Variants in FGF10 observed in about 807,000 individuals in gnomAD.
The protein encoded by FGF10 is FGF-10.
In FGF10, 2 loss-of-function variants were observed where a neutral mutation model predicts 19.8. That is an observed-to-expected ratio of 0.10 (90% CI 0.04 to 0.32). The LOEUF is 0.32. FGF10 is among the 10% of genes least tolerant of loss of function. The probability of loss-of-function intolerance (pLI) is 1.00; values close to 1 mark genes in which losing one functional copy is unlikely to be tolerated. For missense variants in FGF10, 191 were observed against 246.3 expected (o/e 0.78, Z 1.50); for synonymous variants, 112 against 94.0 (o/e 1.19, Z -1.10).
At chr5:44,325,483 C>T (rs1288498173) in intron 1 of FGF10, among the ~76,000 whole-genome samples, 7 of 152,008 alleles carry the variant, frequency 4.6e-5, no homozygotes, top group Admixed American at 1.3e-4. Context: ...TTGGAACCAA[C>T]GCAAATGTCC....
chr5:44,375,880 T>C (rs956615967), intron 1 of FGF10, among the ~76,000 whole-genome samples: 1 of 152,126 alleles, frequency 6.6e-6, no homozygotes, highest in Non-Finnish European at 1.5e-5. Context: ...TCTGGCACAA[T>C]AACTTTTAGG....
At chr5:44,347,641 T>C (rs751436303) in intron 1 of FGF10, among the ~76,000 whole-genome samples, 5 of 151,702 alleles carry the variant, frequency 3.3e-5, no homozygotes, top group Non-Finnish European at 5.9e-5. Context: ...CAAATATTGA[T>C]TGCCACATGA....
intron 1 of FGF10, among the ~76,000 whole-genome samples, chr5:44,385,213 T>A (rs1310409586): frequency 6.6e-6 from 1 of 152,182 alleles, no homozygotes; most frequent in African/African-American, 2.4e-5. Context: ...CTGCTCTCTT[T>A]ATTCTACTCT....
rs1739965284 is a variant in FGF10 at position 44,301,598 on chromosome 5, T to C, written c.*3397A>G. Among the ~76,000 whole-genome samples the C allele has an allele frequency of 6.6e-6, 1 of 152,230 alleles. No homozygotes were observed. The highest frequency in any genetic ancestry group is 1.5e-5 in the Non-Finnish European group (1 of 68,034). On this transcript the variant is annotated 3_prime_UTR_variant, in exon 3 of 3. Coordinates refer to ENST00000264664, the MANE Select transcript of FGF10 (RefSeq NM_004465.2). ...ATCCTCGTTTCCAATTCATTTTTCT[T>C]TATCCACTGTGTAAATTAGGTGGAC...
At chr5:44,378,717 A>G (rs1354342213) in intron 1 of FGF10, among the ~76,000 whole-genome samples, 1 of 152,204 alleles carries the variant, frequency 6.6e-6, no homozygotes, top group Non-Finnish European at 1.5e-5. Context: ...AGGGTCAGCC[A>G]CTGCGCCTGG....
At position 44,302,605 on chromosome 5, in the gene FGF10, C is replaced by A. The variant is rs186416614; in HGVS notation, c.*2390G>T. 5.3e-5 allele frequency among the ~76,000 whole-genome samples: 8 copies of A among 152,154 alleles called. No individual in the cohort carries two copies. The East Asian group carries it at 1.5e-3, about 29-fold the overall frequency. The stretch of plus-strand genomic sequence containing the variant: ...CCTGTCTAGAACTCCTGGACTCAAG[C>A]CATCTTCCCACAGTCTCCCAAACTG... On this transcript the variant is annotated 3_prime_UTR_variant, in exon 3 of 3. Coordinates refer to ENST00000264664, the MANE Select transcript of FGF10 (RefSeq NM_004465.2).
intron 1 of FGF10, among the ~76,000 whole-genome samples, chr5:44,357,013 G>A (rs1048537692): frequency 6.6e-6 from 1 of 150,984 alleles, no homozygotes; most frequent in Non-Finnish European, 1.5e-5. Context: ...TGCTTCAACT[G>A]CCAAAACTGT....
chr5:44,310,361 G>T, intron 2 of FGF10, 66 bp downstream of exon 2: 1 of 1,100,878 alleles, frequency 9.1e-7, no homozygotes, highest in Non-Finnish European at 1.4e-6. Flanking sequence ...GTGTCTGGAG[G>T]AAACTTTCCA....
Position 44,342,198 on chromosome 5 carries a change from G to A in FGF10, c.326-31668C>T, listed in dbSNP as rs183536196. On this transcript the variant is annotated intron_variant, in intron 1 of 2. Transcript: ENST00000264664. ...TTAGTCTTAAATTTGATCTTCATGA[G>A]TATCACAAACAAATCAATGCACACT... Among the ~76,000 whole-genome samples the A allele has an allele frequency of 1.6e-4, 25 of 151,894 alleles. No individual in the cohort carries two copies. In the East Asian group the frequency reaches 4.7e-3, roughly 28 times the overall value.
rs17234170 is a variant in FGF10, at chr5:44,348,846, T to C, written c.326-38316A>G. ...GAGAATTCTGGGAAGTGGTGACTTATGTTTCCCCTCATCACCTCTGATTCT... is the reference window on the plus strand; with the variant it reads ...GAGAATTCTGGGAAGTGGTGACTTACGTTTCCCCTCATCACCTCTGATTCT... On this transcript the variant is annotated intron_variant, in intron 1 of 2. Transcript: ENST00000264664. 8.0e-4 allele frequency among the ~76,000 whole-genome samples: 121 copies of C among 151,662 alleles called. 1 individual carries two copies. Among genetic ancestry groups the C allele is most frequent in the African/African-American group, 2.8e-3 (117 of 41,478 alleles).
At chr5:44,341,715 A>G (rs1021098789) in intron 1 of FGF10, among the ~76,000 whole-genome samples, 2 of 151,972 alleles carry the variant, frequency 1.3e-5, no homozygotes, top group African/African-American at 4.8e-5. Flanking sequence ...AAATGTAAGA[A>G]CAGAAACATT....
chr5:44,334,364 A>G lies in FGF10; in HGVS notation c.326-23834T>C, dbSNP rs1579912793. 2.0e-5 allele frequency among the ~76,000 whole-genome samples: 3 copies of G among 152,196 alleles called. No individual in the cohort carries two copies. The South Asian group carries it at 6.2e-4, about 32-fold the overall frequency. On this transcript the variant is annotated intron_variant, in intron 1 of 2. Coordinates refer to ENST00000264664, the MANE Select transcript of FGF10 (RefSeq NM_004465.2). Reference sequence around the variant, plus strand: ...GTTTGTTTCTGGAATAGTCTCAGGCATTGTCTACAAAGAAATCTTGAAATC... The same window carrying G: ...GTTTGTTTCTGGAATAGTCTCAGGCGTTGTCTACAAAGAAATCTTGAAATC...
At chr5:44,320,826 C>T (rs189565001) in intron 1 of FGF10, among the ~76,000 whole-genome samples, 1 of 151,954 alleles carries the variant, frequency 6.6e-6, no homozygotes, top group East Asian at 1.9e-4. Context: ...GTGATCCTTC[C>T]ATCTCAGTAT....
chr5:44,330,797 T>C (rs1740715898), intron 1 of FGF10, among the ~76,000 whole-genome samples: 1 of 152,178 alleles, frequency 6.6e-6, no homozygotes, highest in South Asian at 2.1e-4. Context: ...CATCTGTCTC[T>C]TAGAAAAATG....
chr5:44,329,901 C>A (rs989190528), intron 1 of FGF10, among the ~76,000 whole-genome samples: 2 of 152,138 alleles, frequency 1.3e-5, no homozygotes, highest in Non-Finnish European at 2.9e-5. Context: ...GCCTGGCTTC[C>A]CATGGAGACA....
chr5:44,342,866 A>AT (rs1740999995), intron 1 of FGF10, among the ~76,000 whole-genome samples: 1 of 152,000 alleles, frequency 6.6e-6, no homozygotes, highest in South Asian at 2.1e-4. Flanking sequence ...GAGTCTCTAG[A>AT]TTTTATTGCA....
At chr5:44,376,069 T>G (rs896033451) in intron 1 of FGF10, among the ~76,000 whole-genome samples, 1 of 152,120 alleles carries the variant, frequency 6.6e-6, no homozygotes, top group East Asian at 1.9e-4. Flanking sequence ...AGTCATGGCA[T>G]AAAAGAGTAA....
intron 1 of FGF10, among the ~76,000 whole-genome samples, chr5:44,370,241 G>C (rs1276109170): frequency 6.6e-6 from 1 of 152,092 alleles, no homozygotes; most frequent in Non-Finnish European, 1.5e-5. Context: ...TTCTTATAAA[G>C]AGAAATAGGT....
intron 1 of FGF10, among the ~76,000 whole-genome samples, chr5:44,376,009 A>G (rs1462282340): frequency 6.6e-6 from 1 of 152,112 alleles, no homozygotes; most frequent in Non-Finnish European, 1.5e-5. Flanking sequence ...TTATTATTCA[A>G]TGATTTAGGG....
Sources: allele counts gnomAD v4.1 joint callset (sites outside exome capture counted in the v4.1 genomes callset), GRCh38; gene constraint gnomAD v4.1.1; transcripts MANE v1.5; gene names NCBI Gene and HGNC (gene_info 2026-07-23, HGNC 2026-07-21).